BRPF3: variants seen among roughly 807,000 people sequenced by gnomAD.
The protein encoded by BRPF3 is bromodomain and PHD finger-containing protein 3.
In BRPF3, 18 loss-of-function variants were observed where a neutral mutation model predicts 102.0. The ratio of observed to expected loss-of-function variants is 0.18; its 90% CI spans 0.12 to 0.26. BRPF3 has a LOEUF of 0.26. Ranked by LOEUF, BRPF3 falls within the 10% of genes least tolerant of loss-of-function variation. The pLI is 1.00. For synonymous variants in BRPF3, 570 were observed against 614.2 expected, an observed-to-expected ratio of 0.93 and a Z score of 1.06; for missense variants, 1,147 against 1,567.8, an observed-to-expected ratio of 0.73 and a Z score of 4.53.
chr6:36,205,827 T>C (rs551644921), intron 3 of BRPF3, among the ~76,000 whole-genome samples: 39 of 152,376 alleles, frequency 2.6e-4, no homozygotes, highest in African/African-American at 8.7e-4. Flanking sequence ...ACTTTTTGTC[T>C]TGTCCTCATC....
chr6:36,200,731 T>C lies in BRPF3; in HGVS notation c.409T>C (p.Tyr137His), dbSNP rs1767668458. The C allele has an allele frequency of 6.2e-7, 1 of 1,614,054 alleles. No individual in the cohort carries two copies. Among genetic ancestry groups the C allele is most frequent in the Non-Finnish European group, 8.5e-7 (1 of 1,180,032 alleles). The change falls in exon 2 of 13, where the codon TAC (tyrosine) becomes CAC (histidine). Residue 137 changes from tyrosine (Y) to histidine (H), a missense_variant. Tyr to His is a moderately conservative substitution (Grantham distance 83). This residue lies in a region of BRPF3 where 221 missense variants were observed against 337.1 expected (regional missense o/e 0.66). Transcript: ENST00000357641. This position sits in a 1 kb window ranked among gnomAD's most constrained non-coding sequence, Gnocchi z 5.3. ...AGAAGCACCCCCGCTGCCTGCTGCC[T>C]ACTACCGCTACATTGAGAAGCCACC... ...QPEAPPLPAA[Y>H]YRYIEKPPED...
rs1338682686 is a variant in BRPF3, at chr6:36,201,660, GAAA to G, written c.1340_1342del (p.Lys447del). ...GTGGCTCCCTCAAGGGAGTGCCCAAGAAAAGCAAGATGAGTTTGAAGCAGAAGA... is the reference window on the plus strand; with the variant it reads ...GTGGCTCCCTCAAGGGAGTGCCCAAGAGCAAGATGAGTTTGAAGCAGAAGA... On this transcript the variant is annotated inframe_deletion, in exon 2 of 13. Transcript: ENST00000357641. This position sits in a 1 kb window ranked among gnomAD's most constrained non-coding sequence, Gnocchi z 5.1. 1 of 1,614,110 alleles carries G rather than the reference GAAA, an allele frequency of 6.2e-7. No homozygotes were observed. The highest frequency in any genetic ancestry group is 8.5e-7 in the Non-Finnish European group (1 of 1,180,038).
At position 36,200,198 on chromosome 6, in the gene BRPF3, G is replaced by T; in HGVS notation, c.-26-99G>T. 1.4e-6 allele frequency: 2 copies of T among 1,390,570 alleles called. No individual in the cohort carries two copies. The highest frequency in any genetic ancestry group is 1.5e-5 in the South Asian group (1 of 65,266). The allele number at this position is 1,390,570 out of a possible 1,614,324, so 86.1% of individuals were successfully genotyped here. ...CTGAGGGGCAAGTTGTTCAGACAGAGGGAAAAGCCAGTCCTCTTGGTGGAT... is the reference window on the plus strand; with the variant it reads ...CTGAGGGGCAAGTTGTTCAGACAGATGGAAAAGCCAGTCCTCTTGGTGGAT... On this transcript the variant is annotated intron_variant, in intron 1 of 12. Coordinates refer to ENST00000357641, the MANE Select transcript of BRPF3 (RefSeq NM_015695.3). The surrounding 1 kb of genome is among the most constrained non-coding windows in gnomAD (Gnocchi z 5.3).
chr6:36,201,290 T>G lies in BRPF3; in HGVS notation c.968T>G (p.Leu323Arg). The change falls in exon 2 of 13, where the codon CTA becomes CGA. Residue 323 changes from leucine (L) to arginine (R), a missense_variant. Coordinates refer to ENST00000357641, the MANE Select transcript of BRPF3 (RefSeq NM_015695.3). The surrounding 1 kb of genome is among the most constrained non-coding windows in gnomAD (Gnocchi z 5.1). ...AATATCCCGCCTGCCCGCTGGAAAC[T>G]AACCTGCTATATCTGCAAGCAGAAA... ...IDNIPPARWK[L>R]TCYICKQKGL... is the part of the protein sequence containing the mutation. 1.2e-6 allele frequency: 2 copies of G among 1,614,188 alleles called. No individual in the cohort carries two copies. Among genetic ancestry groups the G allele is most frequent in the Non-Finnish European group, 1.7e-6 (2 of 1,180,036 alleles).
rs1310565664 is a variant in BRPF3, at chr6:36,201,899, T to C, written c.1448+129T>C. On this transcript the variant is annotated intron_variant, in intron 2 of 12. Coordinates refer to ENST00000357641, the MANE Select transcript of BRPF3 (RefSeq NM_015695.3). This position sits in a 1 kb window ranked among gnomAD's most constrained non-coding sequence, Gnocchi z 5.1. ...CCTCCCCGAATTTAAACTCTTCCTT[T>C]TGACCCCAGGCTCACCTGGCCTGGT... The C allele has an allele frequency of 2.2e-6, 3 of 1,372,448 alleles. No homozygotes were observed. Among genetic ancestry groups the C allele is most frequent in the Non-Finnish European group, 2.9e-6 (3 of 1,025,686 alleles). 85.0% of individuals were successfully genotyped at this position (1,372,448 alleles called of 1,614,324 possible).
Position 36,214,110 on chromosome 6 carries a change from A to T in BRPF3, c.2713A>T (p.Asn905Tyr). 6.2e-7 allele frequency: 1 copy of T among 1,614,230 alleles called. No individual in the cohort carries two copies. Among genetic ancestry groups the T allele is most frequent in the Non-Finnish European group, 8.5e-7 (1 of 1,180,050 alleles). ...LQRLLSDNGI[N>Y]RLSLMAPDTP... ...ACGCTTGCTCAGTGACAATGGCATC[A>T]ACAGACTATCCCTCATGGCCCCTGA... is the stretch of plus-strand genomic sequence containing the variant. Residue 905 changes from asparagine (N) to tyrosine (Y), a missense_variant, in exon 8 of 13, where the codon AAC becomes TAC. Transcript: ENST00000357641.
In BRPF3 at chr6:36,230,806, CA is replaced by C; in HGVS notation, c.*202del. The C allele has an allele frequency of 1.8e-5, 11 of 617,686 alleles. No homozygotes were observed. The highest frequency in any genetic ancestry group is 4.5e-5 in the South Asian group (2 of 44,928). The allele number at this position is 617,686 out of a possible 1,614,324, so 38.3% of individuals were successfully genotyped here. ...TTCTCCTGGCAGGCCTGCTGTGTGCCAAAAACTCCCACCCAAGGTCCCTCAG... is the reference window on the plus strand; with the variant it reads ...TTCTCCTGGCAGGCCTGCTGTGTGCCAAAACTCCCACCCAAGGTCCCTCAG... On this transcript the variant is annotated 3_prime_UTR_variant, in exon 13 of 13. Transcript: ENST00000357641. The surrounding 1 kb of genome is among the most constrained non-coding windows in gnomAD (Gnocchi z 5.4).
chr6:36,207,575 A>G (rs1266841544), intron 4 of BRPF3, 131 bp downstream of exon 4: 2 of 1,260,146 alleles, frequency 1.6e-6, no homozygotes, highest in Non-Finnish European at 2.1e-6. Context: ...CCAGGATTGT[A>G]GGCTCCAAGA....
rs757934420 is a variant in BRPF3 at position 36,230,539 on chromosome 6, A to G, written c.3548A>G (p.Tyr1183Cys). ...TSIRKSVQVA[Y>C]DRAMIHLSRV... ...ATCCGCAAGTCAGTGCAGGTGGCCT[A>G]TGACCGTGCGATGATCCACCTGAGC... Residue 1183 changes from tyrosine to cysteine, a missense_variant, in exon 13 of 13, where the codon TAT becomes TGT. By Grantham distance (194) the Tyr-to-Cys change is radical. Transcript: ENST00000357641. This position sits in a 1 kb window ranked among gnomAD's most constrained non-coding sequence, Gnocchi z 5.4. 1.9e-6 allele frequency: 3 copies of G among 1,614,210 alleles called. No homozygotes were observed. Among genetic ancestry groups the G allele is most frequent in the Non-Finnish European group, 2.5e-6 (3 of 1,180,022 alleles).
At position 36,222,140 on chromosome 6, in the gene BRPF3, C is replaced by T. The variant is rs1295937590; in HGVS notation, c.3084-28C>T. The T allele has an allele frequency of 3.2e-6, 5 of 1,548,562 alleles. No homozygotes were observed. The Admixed American group carries it at 9.8e-5, about 30-fold the overall frequency. ...TTTTAGTCATTGAAATTGCTCATTTCACCCCTCTCTCCCTGCTCTGTGTGC... is the reference window on the plus strand; with the variant it reads ...TTTTAGTCATTGAAATTGCTCATTTTACCCCTCTCTCCCTGCTCTGTGTGC... On this transcript the variant is annotated intron_variant, in intron 9 of 12. Transcript: ENST00000357641.
chr6:36,229,191 G>C (rs891141514), intron 12 of BRPF3, 135 bp downstream of exon 12: 1 of 1,135,276 alleles, frequency 8.8e-7, no homozygotes, highest in African/African-American at 1.6e-5. Context: ...CAACAGGCCT[G>C]CACTTGGCAT....
chr6:36,227,439 G>A (rs58136576), intron 11 of BRPF3, among the ~76,000 whole-genome samples: 365 of 152,260 alleles, frequency 2.4e-3, no homozygotes, highest in African/African-American at 8.6e-3. Flanking sequence ...CACAAACTTT[G>A]TTACCATGTT....
In BRPF3 at chr6:36,210,131, T is replaced by C; in HGVS notation, c.1867-85T>C. On this transcript the variant is annotated intron_variant, in intron 5 of 12. Transcript: ENST00000357641. The surrounding 1 kb of genome is among the most constrained non-coding windows in gnomAD (Gnocchi z 4.7). ...TAGCCTGGCATGGCCAAATCAGAAA[T>C]TGAGGAGGCCAAGAGTATTGGTGAA... The C allele has an allele frequency of 6.5e-7, 1 of 1,531,436 alleles. No individual in the cohort carries two copies. The highest frequency in any genetic ancestry group is 1.1e-5 in the South Asian group (1 of 87,716). 94.9% of individuals were successfully genotyped at this position (1,531,436 alleles called of 1,614,324 possible).
rs775734689 is a variant in BRPF3 at position 36,201,636 on chromosome 6, T to C, written c.1314T>C (p.Ser438=). 9 of 1,613,984 alleles carry C rather than the reference T, an allele frequency of 5.6e-6. No homozygotes were observed. Among genetic ancestry groups the C allele is most frequent in the Non-Finnish European group, 7.6e-6 (9 of 1,179,964 alleles). Reference sequence around the variant, plus strand: ...AGCAGGAAGCTCAAGGCGGGGTGAGTGGCTCCCTCAAGGGAGTGCCCAAGA... The same window carrying C: ...AGCAGGAAGCTCAAGGCGGGGTGAGCGGCTCCCTCAAGGGAGTGCCCAAGA... The part of the protein sequence containing the change: ...EEEQEAQGGV[S]GSLKGVPKKS... Residue 438 remains serine (S), a synonymous_variant, in exon 2 of 13, where the codon AGT becomes AGC. Transcript: ENST00000357641. This position sits in a 1 kb window ranked among gnomAD's most constrained non-coding sequence, Gnocchi z 5.1.
chr6:36,199,281 G>A (rs1284526814), intron 1 of BRPF3, among the ~76,000 whole-genome samples: 1 of 152,168 alleles, frequency 6.6e-6, no homozygotes, highest in African/African-American at 2.4e-5. Context: ...AGGGATCTAG[G>A]TTGCATGCTC....
intron 9 of BRPF3, among the ~76,000 whole-genome samples, chr6:36,220,142 A>G (rs1768483471): frequency 6.6e-6 from 1 of 152,244 alleles, no homozygotes; most frequent in African/African-American, 2.4e-5. Context: ...GCTGAAATGC[A>G]GGCCATGATT....
intron 2 of BRPF3, among the ~76,000 whole-genome samples, chr6:36,203,812 A>G (rs927933311): frequency 3.3e-5 from 5 of 152,226 alleles, no homozygotes; most frequent in African/African-American, 1.2e-4. Context: ...CGTGGATTCA[A>G]ATCCAACCTG....
At position 36,211,524 on chromosome 6, in the gene BRPF3, G is replaced by A. The variant is rs140483970; in HGVS notation, c.2446G>A (p.Ala816Thr). 1.9e-6 allele frequency: 3 copies of A among 1,557,720 alleles called. No homozygotes were observed. Among genetic ancestry groups the A allele is most frequent in the African/African-American group, 1.4e-5 (1 of 73,274 alleles). Residue 816 changes from alanine (A) to threonine (T), a missense_variant, in exon 7 of 13, where the codon GCC (alanine) becomes ACC (threonine). By Grantham distance (58) the Ala-to-Thr change is moderately conservative. Coordinates refer to ENST00000357641, the MANE Select transcript of BRPF3 (RefSeq NM_015695.3). ...GGGGGATGCAGCTGTGCTGGAGCAG[G>A]CCTTGCAGGAGGAGCCAGAAGACGA... ...PQGDAAVLEQ[A>T]LQEEPEDDGD...
chr6:36,210,347 G>A lies in BRPF3; in HGVS notation c.1998G>A (p.Met666Ile). Residue 666 changes from methionine (M) to isoleucine (I), a missense_variant, in exon 6 of 13, where the codon ATG (methionine) becomes ATA (isoleucine). Coordinates refer to ENST00000357641, the MANE Select transcript of BRPF3 (RefSeq NM_015695.3). The surrounding 1 kb of genome is among the most constrained non-coding windows in gnomAD (Gnocchi z 4.7). ...TTAACCTTATAGTTACCAACTGCAT[G>A]AAGTATAATGCTAAAGACACAATTT... is the stretch of plus-strand genomic sequence containing the variant. ...EDFNLIVTNC[M>I]KYNAKDTIFH... 6.2e-7 allele frequency: 1 copy of A among 1,614,266 alleles called. No individual in the cohort carries two copies. The highest frequency in any genetic ancestry group is 8.5e-7 in the Non-Finnish European group (1 of 1,180,042).
Sources: allele counts gnomAD v4.1 joint callset (sites outside exome capture counted in the v4.1 genomes callset), GRCh38; gene constraint gnomAD v4.1.1; regional missense constraint gnomAD v4.1.1; non-coding constraint Gnocchi (gnomAD v3.1); transcripts MANE v1.5; gene names NCBI Gene and HGNC (gene_info 2026-07-23, HGNC 2026-07-21).